Variants in ZNF311 observed in about 807,000 individuals in gnomAD.
The protein encoded by ZNF311 is zinc finger protein zfp31.
Under a neutral mutation model 22.7 loss-of-function variants are expected in ZNF311, and 14 were observed. The observed-to-expected ratio is 0.62, with a 90% CI of 0.41 to 0.96. ZNF311 has a LOEUF of 0.96. Among genes scored for constraint, ZNF311 ranks in the 40% least tolerant of loss-of-function variants. The pLI, the probability that ZNF311 is intolerant of heterozygous loss-of-function variation, is 0.00. For missense variants in ZNF311, 731 were observed against 799.0 expected, an observed-to-expected ratio of 0.91 and a Z score of 1.03; for synonymous variants, 250 against 275.3, an observed-to-expected ratio of 0.91 and a Z score of 0.91.
intron 6 of ZNF311, 86 bp downstream of exon 6, chr6:28,998,648 A>G: frequency 1.1e-6 from 1 of 917,430 alleles, no homozygotes; most frequent in South Asian, 1.8e-5. Context: ...GGGCCCTTCG[A>G]CTGGATGATC....
At position 29,003,917 on chromosome 6, in the gene ZNF311, T is replaced by A. The variant is rs768724162; in HGVS notation, c.9+29A>T. On this transcript the variant is annotated intron_variant, in intron 2 of 6. Coordinates refer to ENST00000377179, the MANE Select transcript of ZNF311 (RefSeq NM_001382360.1). ...ACTCACTTCTCCTTCTTCCTCCTTG[T>A]GATGTATCACAGACCCTCCTCTTCT... is the stretch of plus-strand genomic sequence containing the variant. The A allele has an allele frequency of 8.7e-6, 14 of 1,612,792 alleles. No individual in the cohort carries two copies. The South Asian group carries it at 1.4e-4, about 16-fold the overall frequency.
In ZNF311 at chr6:29,004,218, C is replaced by A. The variant is rs1359580443; in HGVS notation, c.-260-4G>T. 2.2e-6 allele frequency: 3 copies of A among 1,394,888 alleles called. No individual in the cohort carries two copies. The African/African-American group carries it at 4.4e-5, about 20-fold the overall frequency. The allele number at this position is 1,394,888 out of a possible 1,614,324, so 86.4% of individuals were successfully genotyped here. A position where few individuals can be genotyped will look rare whatever the true frequency, so the allele number is the denominator to read the frequency against. On this transcript the variant is annotated splice_region_variant and splice_polypyrimidine_tract_variant and intron_variant, in intron 1 of 6. Coordinates refer to ENST00000377179, the MANE Select transcript of ZNF311 (RefSeq NM_001382360.1). ...TGTGATCTCACATCTTGTTTCCCTG[C>A]ATATTTGGTGAAGGGAAAAGAGGAA...
At position 28,995,781 on chromosome 6, in the gene ZNF311, T is replaced by A. The variant is rs1332967583; in HGVS notation, c.1221A>T (p.Arg407Ser). Reference protein sequence around the residue: ...SGSSDLTKHIRIHTGERPYEC... With the variant: ...SGSSDLTKHISIHTGERPYEC... ...CATAAGGTCGTTCCCCAGTGTGGATTCTTATGTGTTTGGTGAGGTCTGAAC... is the reference window on the plus strand; with the variant it reads ...CATAAGGTCGTTCCCCAGTGTGGATACTTATGTGTTTGGTGAGGTCTGAAC... The change falls in exon 7 of 7, where the codon AGA becomes AGT. Residue 407 changes from arginine (R) to serine (S), a missense_variant. Coordinates refer to ENST00000377179, the MANE Select transcript of ZNF311 (RefSeq NM_001382360.1). This position sits in a 1 kb window ranked among gnomAD's most constrained non-coding sequence, Gnocchi z 4.7. 2 of 1,613,992 alleles carry A rather than the reference T, an allele frequency of 1.2e-6. No individual in the cohort carries two copies. The highest frequency in any genetic ancestry group is 3.3e-5 in the Admixed American group (2 of 60,010).
At position 29,004,450 on chromosome 6, in the gene ZNF311, T is replaced by C. The variant is rs1581707162; in HGVS notation, c.-260-236A>G. 1.8e-4 allele frequency among the ~76,000 whole-genome samples: 6 copies of C among 33,602 alleles called. 1 individual carries two copies. The highest frequency in any genetic ancestry group is 3.2e-4 in the Admixed American group (1 of 3,090). The allele number at this position is 33,602 out of a possible 152,430, so 22.0% of individuals were successfully genotyped here. On this transcript the variant is annotated intron_variant, in intron 1 of 6. Coordinates refer to ENST00000377179, the MANE Select transcript of ZNF311 (RefSeq NM_001382360.1). Reference sequence around the variant, plus strand: ...CCTTGCCTTCCTCCTTTCTTTTTTTTTTTTTTTTTTTTTTTTTTTGAGACG... The same window carrying C: ...CCTTGCCTTCCTCCTTTCTTTTTTTCTTTTTTTTTTTTTTTTTTTGAGACG...
chr6:29,000,580 A>G (rs559786609), intron 3 of ZNF311, among the ~76,000 whole-genome samples: 39 of 152,110 alleles, frequency 2.6e-4, no homozygotes, highest in Non-Finnish European at 4.6e-4. Context: ...TTAGTTACAA[A>G]TTTTTTTCCT....
intron 6 of ZNF311, 56 bp downstream of exon 6, chr6:28,998,678 T>C (rs984365748): frequency 2.3e-6 from 3 of 1,280,114 alleles, no homozygotes; most frequent in Middle Eastern, 1.9e-4. Context: ...GAATGTTCCA[T>C]AACCATTATG....
At chr6:28,998,917 T>C in intron 5 of ZNF311, 79 bp from the exon 6 acceptor site, 1 of 953,140 alleles carries the variant, frequency 1.0e-6, no homozygotes, top group Non-Finnish European at 1.6e-6. Context: ...GCCCTGATCC[T>C]TCTGTTTGTA....
Position 29,004,098 on chromosome 6 carries a change from C to A in ZNF311, c.-144G>T, listed in dbSNP as rs950021150. On this transcript the variant is annotated 5_prime_UTR_variant, in exon 2 of 7. Coordinates refer to ENST00000377179, the MANE Select transcript of ZNF311 (RefSeq NM_001382360.1). ...GAACACATGTTTTGGTGGTGCCAGC[C>A]AAAGGGCCCTTCTTGACCCACAGTG... 3.8e-6 allele frequency: 6 copies of A among 1,584,430 alleles called. No individual in the cohort carries two copies. Among genetic ancestry groups the A allele is most frequent in the Non-Finnish European group, 5.1e-6 (6 of 1,166,560 alleles).
rs1178511286 is a variant in ZNF311 at position 28,995,599 on chromosome 6, T to C, written c.1403A>G (p.Glu468Gly). Reference sequence around the variant, plus strand: ...ACACTCCTCACACCTGTAACGTTTCTCTTCAGTGTGGATCCTTCTGTGTTT... The same window carrying C: ...ACACTCCTCACACCTGTAACGTTTCCCTTCAGTGTGGATCCTTCTGTGTTT... The part of the protein sequence containing the change: ...LTKHRRIHTE[E>G]KRYRCEECGK... Residue 468 changes from glutamate to glycine, a missense_variant, in exon 7 of 7, where the codon GAG becomes GGG. By Grantham distance (98) the Glu-to-Gly change is moderately conservative. Transcript: ENST00000377179. This position sits in a 1 kb window ranked among gnomAD's most constrained non-coding sequence, Gnocchi z 4.7. The C allele has an allele frequency of 6.8e-6, 11 of 1,613,528 alleles. No individual in the cohort carries two copies. Among genetic ancestry groups the C allele is most frequent in the South Asian group, 1.1e-5 (1 of 91,092 alleles).
chr6:29,003,634 G>C (rs1171967671), intron 2 of ZNF311, 40 bp from the exon 3 acceptor site: 1 of 1,606,842 alleles, frequency 6.2e-7, no homozygotes, highest in Admixed American at 1.7e-5. Flanking sequence ...AAGTTATGAA[G>C]GTGAGAAAAA....
Position 28,996,537 on chromosome 6 carries a change from T to C in ZNF311, c.465A>G (p.Gln155=). The C allele has an allele frequency of 6.2e-7, 1 of 1,604,606 alleles. No individual in the cohort carries two copies. Among genetic ancestry groups the C allele is most frequent in the African/African-American group, 1.3e-5 (1 of 74,874 alleles). The change falls in exon 7 of 7, where the codon CAA becomes CAG. Residue 155 remains glutamine, a synonymous_variant. Coordinates refer to ENST00000377179, the MANE Select transcript of ZNF311 (RefSeq NM_001382360.1). ...AGGCTTCTCCATTTTCAAAAATCTCTTGTTGTGAACTTGCCTTTTCATTCT... is the reference window on the plus strand; with the variant it reads ...AGGCTTCTCCATTTTCAAAAATCTCCTGTTGTGAACTTGCCTTTTCATTCT... ...WPENEKASSQ[Q]EIFENGEAYW... is the part of the protein sequence containing the mutation.
Position 28,996,076 on chromosome 6 carries a change from C to T in ZNF311, c.926G>A (p.Gly309Glu), listed in dbSNP as rs1367790366. Reference protein sequence around the residue: ...GEKPFNCTQCGKAFNSRSALC... With the variant: ...GEKPFNCTQCEKAFNSRSALC... ...AGCTGATCTACTGTTGAAAGCCTTC[C>T]CACACTGGGTGCAATTAAAAGGTTT... is the stretch of plus-strand genomic sequence containing the variant. The change falls in exon 7 of 7, where the codon GGG becomes GAG. Residue 309 changes from glycine (G) to glutamate (E), a missense_variant. Coordinates refer to ENST00000377179, the MANE Select transcript of ZNF311 (RefSeq NM_001382360.1). The T allele has an allele frequency of 6.2e-7, 1 of 1,613,286 alleles. No individual in the cohort carries two copies. The highest frequency in any genetic ancestry group is 8.5e-7 in the Non-Finnish European group (1 of 1,180,036).
At chr6:29,002,332 C>T (rs1780553232) in intron 3 of ZNF311, among the ~76,000 whole-genome samples, 1 of 152,118 alleles carries the variant, frequency 6.6e-6, no homozygotes, top group South Asian at 2.1e-4. Flanking sequence ...CCGAGTTTAG[C>T]AATAGCTATT....
chr6:28,995,085 G>C lies in ZNF311; in HGVS notation c.1917C>G (p.Thr639=), dbSNP rs1196496450. 2 of 1,613,674 alleles carry C rather than the reference G, an allele frequency of 1.2e-6. No individual in the cohort carries two copies. The highest frequency in any genetic ancestry group is 2.2e-5 in the South Asian group (2 of 91,082). The change falls in exon 7 of 7, where the codon ACC becomes ACG. Residue 639 remains threonine, a synonymous_variant. Coordinates refer to ENST00000377179, the MANE Select transcript of ZNF311 (RefSeq NM_001382360.1). The surrounding 1 kb of genome is among the most constrained non-coding windows in gnomAD (Gnocchi z 4.7). ...HKKRKHQVWS[T]HELDGSRKSL... ...ATTTCCTACTCCCATCAAGTTCATG[G>C]GTACTCCATACTTGATGTTTTCTTT... is the stretch of plus-strand genomic sequence containing the variant.
intron 3 of ZNF311, among the ~76,000 whole-genome samples, chr6:29,000,691 A>G (rs1030287480): frequency 6.6e-5 from 10 of 152,164 alleles, no homozygotes; most frequent in African/African-American, 2.2e-4. Context: ...AGTATAGCAC[A>G]CAGAGCATTT....
chr6:28,996,277 A>G lies in ZNF311; in HGVS notation c.725T>C (p.Ile242Thr), dbSNP rs1288654943. The part of the protein sequence containing the change: ...SKHSQCNKVL[I>T]AQKLHECARC... Reference sequence around the variant, plus strand: ...GGCACATTCATGGAGTTTCTGTGCTATAAGAACTTTATTACATTGACTATG... The same window carrying G: ...GGCACATTCATGGAGTTTCTGTGCTGTAAGAACTTTATTACATTGACTATG... The change falls in exon 7 of 7, where the codon ATA (isoleucine) becomes ACA (threonine). Residue 242 changes from isoleucine to threonine, a missense_variant. Physicochemically the swap from Ile to Thr is moderately conservative, Grantham distance 89. Transcript: ENST00000377179. 6.2e-7 allele frequency: 1 copy of G among 1,612,972 alleles called. No individual in the cohort carries two copies. Among genetic ancestry groups the G allele is most frequent in the African/African-American group, 1.3e-5 (1 of 74,936 alleles).
chr6:28,997,260 T>A (rs2150668267), intron 6 of ZNF311, among the ~76,000 whole-genome samples: 1 of 152,122 alleles, frequency 6.6e-6, no homozygotes, highest in African/African-American at 2.4e-5. Flanking sequence ...GAAGAGAAGG[T>A]CAATTTGCCT....
chr6:29,001,853 T>C (rs905283526), intron 3 of ZNF311, among the ~76,000 whole-genome samples: 273 of 152,348 alleles, frequency 1.8e-3, no homozygotes, highest in African/African-American at 6.3e-3. Context: ...ACCTCACCCC[T>C]AAACAGTTTA....
chr6:28,997,840 G>A (rs1185102165), intron 6 of ZNF311, among the ~76,000 whole-genome samples: 15 of 152,128 alleles, frequency 9.9e-5, no homozygotes. Context: ...ATCTAAATGA[G>A]TTAATGTATG....
Sources: allele counts gnomAD v4.1 joint callset (sites outside exome capture counted in the v4.1 genomes callset), GRCh38; gene constraint gnomAD v4.1.1; non-coding constraint Gnocchi (gnomAD v3.1); transcripts MANE v1.5; gene names NCBI Gene and HGNC (gene_info 2026-07-23, HGNC 2026-07-21).